The following CDH23 variants were observed in gnomAD, a reference collection of about 807,000 sequenced individuals.
The protein encoded by CDH23 is cadherin related 23.
In CDH23, 189 loss-of-function variants were observed where a neutral mutation model predicts 317.1. The observed-to-expected ratio is 0.60, with a 90% CI of 0.53 to 0.67. The LOEUF (loss-of-function observed/expected upper bound fraction) is 0.67. Ranked by LOEUF, CDH23 falls within the 30% of genes least tolerant of loss-of-function variation. The pLI, the probability that CDH23 is intolerant of heterozygous loss-of-function variation, is 0.00. For missense variants in CDH23, 4,401 were observed against 4,592.4 expected (o/e 0.96, Z 1.20); for synonymous variants, 1,839 against 1,876.8 (o/e 0.98, Z 0.52).
At chr10:71,403,751 G>A (rs1368645003) in intron 1 of CDH23, among the ~76,000 whole-genome samples, 7 of 151,694 alleles carry the variant, frequency 4.6e-5, no homozygotes, top group Admixed American at 2.0e-4. Flanking sequence ...TCTTGACCTC[G>A]TAATCTGCCC....
intron 1 of CDH23, among the ~76,000 whole-genome samples, chr10:71,400,680 T>G (rs1212295705): frequency 2.0e-5 from 3 of 152,098 alleles, no homozygotes; most frequent in African/African-American, 7.2e-5. Context: ...GCACCTGTAA[T>G]CCCAGCTACG....
intron 6 of CDH23, among the ~76,000 whole-genome samples, chr10:71,520,594 C>T (rs979908681): frequency 1.3e-5 from 2 of 152,212 alleles, no homozygotes; most frequent in African/African-American, 4.8e-5. Context: ...CCAGGTAAGG[C>T]CTGAGTGTCC....
intron 15 of CDH23, among the ~76,000 whole-genome samples, 175 bp from the exon 16 acceptor site, chr10:71,677,281 C>A (rs1241425102): frequency 6.6e-6 from 1 of 152,006 alleles, no homozygotes; most frequent in Non-Finnish European, 1.5e-5. Context: ...CACCCACCCA[C>A]CCCCTTTAGA....
intron 66 of CDH23, chr10:71,812,262 G>C: frequency 6.3e-7 from 1 of 1,599,314 alleles, no homozygotes. Context: ...GCAGGGTGAA[G>C]CCTCTGCACC....
chr10:71,685,709 G>A (rs775458507), intron 18 of CDH23, among the ~76,000 whole-genome samples: 2 of 152,208 alleles, frequency 1.3e-5, no homozygotes, highest in African/African-American at 2.4e-5. Context: ...GGCAGCCGGA[G>A]AGTCTGGCAA....
intron 11 of CDH23, among the ~76,000 whole-genome samples, chr10:71,639,574 G>A (rs1028286135): frequency 6.6e-6 from 1 of 152,198 alleles, no homozygotes; most frequent in Non-Finnish European, 1.5e-5. Context: ...CTCTGACTCC[G>A]AGGCGGGGTG....
intron 14 of CDH23, among the ~76,000 whole-genome samples, chr10:71,662,232 G>T (rs939823465): frequency 6.6e-6 from 1 of 152,100 alleles, no homozygotes; most frequent in Non-Finnish European, 1.5e-5. Context: ...GACAACATGA[G>T]AATGTGGAAT....
rs377029257 is a variant in CDH23 at position 71,778,442 on chromosome 10, A to C, written c.5187+134A>C. On this transcript the variant is annotated intron_variant, in intron 40 of 69. Transcript: ENST00000224721. ...GCCTAAATCCAAGACCCCTGTCCTAATCTCAGCAACTCACTCAAACTTGCT... is the reference window on the plus strand; with the variant it reads ...GCCTAAATCCAAGACCCCTGTCCTACTCTCAGCAACTCACTCAAACTTGCT... 3.3e-6 allele frequency: 4 copies of C among 1,194,130 alleles called. No homozygotes were observed. In the African/African-American group the frequency reaches 6.1e-5, roughly 18 times the overall value. 74.0% of individuals were successfully genotyped at this position (1,194,130 alleles called of 1,614,324 possible).
At chr10:71,502,370 T>C (rs1853385752) in intron 3 of CDH23, among the ~76,000 whole-genome samples, 1 of 152,200 alleles carries the variant, frequency 6.6e-6, no homozygotes, top group African/African-American at 2.4e-5. Flanking sequence ...TGAATGCAGA[T>C]TCACTGGGAA....
intron 6 of CDH23, among the ~76,000 whole-genome samples, chr10:71,564,760 C>CTGT (rs747601796): frequency 4.1e-4 from 62 of 152,286 alleles, no homozygotes; most frequent in African/African-American, 6.0e-4. Flanking sequence ...ACCCTGTTTC[C>CTGT]TGTTGTTGTT....
chr10:71,520,726 G>A (rs1854624173), intron 6 of CDH23, among the ~76,000 whole-genome samples: 1 of 152,228 alleles, frequency 6.6e-6, no homozygotes. Context: ...TCAGCCACCA[G>A]CACACTGCTA....
At chr10:71,708,116 C>T (rs1473263664) in intron 26 of CDH23, among the ~76,000 whole-genome samples, 2 of 152,184 alleles carry the variant, frequency 1.3e-5, no homozygotes, top group East Asian at 3.9e-4. Context: ...TAGTTCTGCC[C>T]TGGGCTCCCC....
At chr10:71,596,470 T>C (rs896337441) in intron 9 of CDH23, among the ~76,000 whole-genome samples, 5 of 152,166 alleles carry the variant, frequency 3.3e-5, no homozygotes, top group African/African-American at 9.7e-5. Flanking sequence ...GCCTCTACTA[T>C]TTCCATCACA....
intron 17 of CDH23, 114 bp downstream of exon 17, chr10:71,679,606 G>C (rs1864528439): frequency 3.5e-6 from 3 of 858,682 alleles, no homozygotes; most frequent in Admixed American, 2.1e-5. Context: ...TGACACTCTG[G>C]GCTACTCAGG....
chr10:71,809,916 A>G lies in CDH23; in HGVS notation c.8819A>G (p.His2940Arg). The change falls in exon 61 of 70, where the codon CAC (histidine) becomes CGC (arginine). Residue 2940 changes from histidine (H) to arginine (R), a missense_variant. Coordinates refer to ENST00000224721, the MANE Select transcript of CDH23 (RefSeq NM_022124.6). ...ATTGTGGCCCGAGACCTGGCAGGCCACAACGACACGGCCATCATCGGCATC... is the reference window on the plus strand; with the variant it reads ...ATTGTGGCCCGAGACCTGGCAGGCCGCAACGACACGGCCATCATCGGCATC... ...VDIVARDLAG[H>R]NDTAIIGIYI... 1.2e-6 allele frequency: 2 copies of G among 1,613,166 alleles called. No individual in the cohort carries two copies. The highest frequency in any genetic ancestry group is 8.5e-7 in the Non-Finnish European group (1 of 1,179,894).
At chr10:71,468,953 C>G (rs1371466191) in intron 3 of CDH23, among the ~76,000 whole-genome samples, 7 of 152,148 alleles carry the variant, frequency 4.6e-5, no homozygotes, top group Non-Finnish European at 1.0e-4. Flanking sequence ...GTCTTTCTGC[C>G]AGGCTCCTTC....
chr10:71,742,020 G>T, intron 38 of CDH23, 99 bp downstream of exon 38: 2 of 1,007,376 alleles, frequency 2.0e-6, no homozygotes, highest in South Asian at 3.2e-5. Flanking sequence ...ATTCCACACA[G>T]CAGGCGAATC....
At chr10:71,723,948 G>A (rs1314916646) in intron 28 of CDH23, 97 bp from the exon 29 acceptor site, 1 of 1,369,172 alleles carries the variant, frequency 7.3e-7, no homozygotes, top group African/African-American at 1.4e-5. Flanking sequence ...GGCAGGATGG[G>A]GTAGGATGCG....
At position 71,760,314 on chromosome 10, in the gene CDH23, C is replaced by CACAT. The variant is rs1417602987; in HGVS notation, c.4846-17365_4846-17364insCATA. ...GTGTATATATATGTATATACACACACATATATATATATATATATCCCTGAG... is the reference window on the plus strand; with the variant it reads ...GTGTATATATATGTATATACACACACACATATATATATATATATATATCCCTGAG... On this transcript the variant is annotated intron_variant, in intron 38 of 69. Transcript: ENST00000224721. Among the ~76,000 whole-genome samples, 257 of 82,426 alleles carry CACAT rather than the reference C, an allele frequency of 3.1e-3. 5 individuals carry two copies. Among genetic ancestry groups the CACAT allele is most frequent in the African/African-American group, 6.6e-3 (191 of 28,862 alleles). The allele number at this position is 82,426 out of a possible 152,430, so 54.1% of individuals were successfully genotyped here.
Sources: gnomAD v4.1 joint callset for allele counts (sites outside exome capture counted in the v4.1 genomes callset) on GRCh38, gnomAD v4.1.1 for gene constraint, MANE v1.5 for transcripts, NCBI Gene and HGNC (gene_info 2026-07-23, HGNC 2026-07-21) for gene names.